PDE1A: variants seen among roughly 807,000 people sequenced by gnomAD.
The protein encoded by PDE1A is dual specificity calcium/calmodulin-dependent 3',5'-cyclic nucleotide phosphodiesterase 1A.
In PDE1A, 35 loss-of-function variants were observed where a neutral mutation model predicts 61.7. That is an observed-to-expected ratio of 0.57 (90% CI 0.43 to 0.75). The LOEUF is 0.75. PDE1A is among the 30% of genes least tolerant of loss of function. The pLI is 0.00. For missense variants in PDE1A, 597 were observed against 630.6 expected, an observed-to-expected ratio of 0.95 and a Z score of 0.57; for synonymous variants, 232 against 213.2, an observed-to-expected ratio of 1.09 and a Z score of -0.77.
chr2:182,234,397 C>A, intron 4 of PDE1A, 35 bp downstream of exon 4: 4 of 1,450,112 alleles, frequency 2.8e-6, no homozygotes, highest in Non-Finnish European at 1.9e-6. Flanking sequence ...TTTAAAATGA[C>A]CATTTTATAC....
At chr2:182,640,754 T>A in the PDE1A span, among the ~76,000 whole-genome samples, 1 of 151,958 alleles carries the variant, frequency 6.6e-6, no homozygotes, top group Non-Finnish European at 1.5e-5. Context: ...GTGCAGTGGC[T>A]CATGCCTGTA....
chr2:182,392,298 AC>A (rs1316691348), intron 1 of PDE1A, among the ~76,000 whole-genome samples: 1 of 152,124 alleles, frequency 6.6e-6, no homozygotes, highest in African/African-American at 2.4e-5. Flanking sequence ...CAGGGGAACT[AC>A]CCTCTATAAA....
the PDE1A span, among the ~76,000 whole-genome samples, chr2:182,530,973 AATT>A: frequency 6.6e-6 from 1 of 152,106 alleles, no homozygotes; most frequent in Non-Finnish European, 1.5e-5. Context: ...GAATATATAA[AATT>A]ATTATAAATG....
intron 1 of PDE1A, among the ~76,000 whole-genome samples, chr2:182,328,253 G>C (rs981400645): frequency 7.9e-5 from 12 of 152,302 alleles, no homozygotes; most frequent in African/African-American, 2.9e-4. Flanking sequence ...GATTATTTGA[G>C]GTTGATGGTG....
At chr2:182,146,574 T>A (rs1248936959), downstream of PDE1A, among the ~76,000 whole-genome samples, 1 of 152,118 alleles carries the variant, frequency 6.6e-6, no homozygotes, top group Non-Finnish European at 1.5e-5. Context: ...AACCTTTGCT[T>A]CCCAGGTTCA....
At chr2:182,578,259 A>G in the PDE1A span, among the ~76,000 whole-genome samples, 1 of 152,032 alleles carries the variant, frequency 6.6e-6, no homozygotes, top group Admixed American at 6.6e-5. Flanking sequence ...TACCTTATGT[A>G]TCTATTAAGC....
chr2:182,571,152 G>C, the PDE1A span, among the ~76,000 whole-genome samples: 1 of 152,150 alleles, frequency 6.6e-6, no homozygotes, highest in Non-Finnish European at 1.5e-5. Flanking sequence ...ATCCTTGAAT[G>C]CTTCCTGATT....
intron 1 of PDE1A, among the ~76,000 whole-genome samples, chr2:182,356,401 T>G (rs1356609548): frequency 1.3e-5 from 2 of 152,190 alleles, no homozygotes; most frequent in African/African-American, 4.8e-5. Flanking sequence ...TTAAGAATTT[T>G]TATTAATGTC....
intron 1 of PDE1A, among the ~76,000 whole-genome samples, chr2:182,288,807 C>T (rs1004716329): frequency 1.3e-5 from 2 of 151,970 alleles, no homozygotes; most frequent in South Asian, 2.1e-4. Flanking sequence ...AGCCCATTCC[C>T]GCTTGAGTAC....
At chr2:182,282,680 C>T (rs565300535) in intron 1 of PDE1A, among the ~76,000 whole-genome samples, 54 of 151,956 alleles carry the variant, frequency 3.6e-4, no homozygotes, top group African/African-American at 1.2e-3. Flanking sequence ...CATTATTTTC[C>T]TACATACACC....
the PDE1A span, among the ~76,000 whole-genome samples, chr2:182,552,733 C>T: frequency 6.6e-6 from 1 of 152,144 alleles, no homozygotes; most frequent in Non-Finnish European, 1.5e-5. Context: ...GTGGGAGGGA[C>T]AAGGATCGGG....
At chr2:182,429,002 G>C (rs532620475), upstream of PDE1A, among the ~76,000 whole-genome samples, 2 of 152,142 alleles carry the variant, frequency 1.3e-5, no homozygotes, top group East Asian at 3.9e-4. Flanking sequence ...ACCAGCTGAA[G>C]AATCTGAAAG....
intron 1 of PDE1A, among the ~76,000 whole-genome samples, chr2:182,310,442 A>AT (rs1250675878): frequency 6.6e-6 from 1 of 152,198 alleles, no homozygotes; most frequent in African/African-American, 2.4e-5. Context: ...ATGCTTTGCA[A>AT]TTGTAGCAAC....
the PDE1A span, among the ~76,000 whole-genome samples, chr2:182,564,231 C>T: frequency 3.3e-5 from 5 of 152,162 alleles, no homozygotes; most frequent in Admixed American, 6.5e-5. Flanking sequence ...CCTTCAGGAG[C>T]TCTTTTAGGG....
intron 2 of PDE1A, among the ~76,000 whole-genome samples, chr2:182,479,730 AG>A (rs1687589620): frequency 6.6e-6 from 1 of 151,978 alleles, no homozygotes; most frequent in African/African-American, 2.4e-5. Context: ...CACATAATAA[AG>A]TATAAATCAT....
At chr2:182,266,481 G>C (rs73977327) in intron 1 of PDE1A, among the ~76,000 whole-genome samples, 4,720 of 152,184 alleles carry the variant, frequency 0.031, 243 homozygotes, top group African/African-American at 0.11. Context: ...TGTCTTTCTT[G>C]TGAAAATTAC....
intron 2 of PDE1A, among the ~76,000 whole-genome samples, chr2:182,260,133 A>G (rs1251724597): frequency 6.6e-6 from 1 of 152,220 alleles, no homozygotes; most frequent in African/African-American, 2.4e-5. Flanking sequence ...TTCTTAACTG[A>G]AATTCTGCAA....
intron 2 of PDE1A, among the ~76,000 whole-genome samples, chr2:182,486,575 G>A (rs973155274): frequency 6.6e-6 from 1 of 151,970 alleles, no homozygotes; most frequent in Non-Finnish European, 1.5e-5. Flanking sequence ...CAAGACAGTT[G>A]GTACTAGCAT....
At chr2:182,617,683 G>T in the PDE1A span, among the ~76,000 whole-genome samples, 1 of 152,136 alleles carries the variant, frequency 6.6e-6, no homozygotes, top group Non-Finnish European at 1.5e-5. Context: ...TGCCATTCTG[G>T]ATAATTCTCC....
Sources: gnomAD v4.1 joint callset for allele counts (sites outside exome capture counted in the v4.1 genomes callset) on GRCh38, gnomAD v4.1.1 for gene constraint, MANE v1.5 for transcripts, NCBI Gene and HGNC (gene_info 2026-07-23, HGNC 2026-07-21) for gene names.